Variants in CCDC149 observed in about 807,000 individuals in gnomAD.
CCDC149 encodes the protein coiled-coil domain-containing protein 149.
In CCDC149, 45 loss-of-function variants were observed where a neutral mutation model predicts 59.9. That is an observed-to-expected ratio of 0.75 (90% CI 0.59 to 0.96). CCDC149 has a LOEUF of 0.96. CCDC149 is among the 40% of genes least tolerant of loss of function. The pLI is 0.00. For synonymous variants in CCDC149, 245 were observed against 260.6 expected (o/e 0.94, Z 0.58); for missense variants, 584 against 664.7 (o/e 0.88, Z 1.33).
At position 24,976,430 on chromosome 4, in the gene CCDC149, A is replaced by C. The variant is rs376883489; in HGVS notation, c.-65+3639T>G. Among the ~76,000 whole-genome samples the C allele has an allele frequency of 2.6e-5, 4 of 152,268 alleles. No individual in the cohort carries two copies. In the East Asian group the frequency reaches 5.8e-4, roughly 22 times the overall value. On this transcript the variant is annotated intron_variant, in intron 1 of 12. Transcript: ENST00000389609. The stretch of plus-strand genomic sequence containing the variant: ...GGACATTTATCCAAAGTGTGTCATC[A>C]GGCTGGGTGCGGTGGCTCATGTCTG...
At chr4:24,896,771 T>A (rs1235421209) in intron 1 of CCDC149, among the ~76,000 whole-genome samples, 1 of 152,152 alleles carries the variant, frequency 6.6e-6, no homozygotes, top group Non-Finnish European at 1.5e-5. Context: ...GATCACAGTC[T>A]ATATTTTGAA....
At position 24,808,446 on chromosome 4, in the gene CCDC149, C is replaced by T. The variant is rs1424923064; in HGVS notation, c.1566G>A (p.Pro522=). The change falls in exon 13 of 13, where the codon CCG becomes CCA. Residue 522 remains proline (P), a synonymous_variant. Transcript: ENST00000635206. ...CCTCTGGGATCCCTTTGCCGTCTTC[C>T]GGTGTGGAAGCTTTGGCTGCTGGCC... 1.4e-5 allele frequency: 21 copies of T among 1,463,362 alleles called. No homozygotes were observed. The highest frequency in any genetic ancestry group is 3.6e-4 in the Middle Eastern group (2 of 5,594). 90.6% of individuals were successfully genotyped at this position (1,463,362 alleles called of 1,614,324 possible).
At chr4:24,819,517 C>T (rs1442452791) in intron 12 of CCDC149, among the ~76,000 whole-genome samples, 1 of 152,126 alleles carries the variant, frequency 6.6e-6, no homozygotes, top group Non-Finnish European at 1.5e-5. Context: ...GACGGGTTTT[C>T]ACCATGTTGG....
intron 12 of CCDC149, 102 bp downstream of exon 12, chr4:24,819,757 G>T: frequency 2.4e-6 from 2 of 835,820 alleles, no homozygotes; most frequent in Non-Finnish European, 4.0e-6. Context: ...TGATGCCAAA[G>T]CAGCAGCACA....
chr4:24,811,016 A>T (rs1714566097), intron 12 of CCDC149, among the ~76,000 whole-genome samples: 1 of 152,188 alleles, frequency 6.6e-6, no homozygotes, highest in Non-Finnish European at 1.5e-5. Context: ...TCAACAGGGG[A>T]TTATGTATAC....
At position 24,931,829 on chromosome 4, in the gene CCDC149, GTATATATATATA is replaced by G. The variant is rs57205804; in HGVS notation, c.-64-36723_-64-36712del. Among the ~76,000 whole-genome samples the G allele has an allele frequency of 1.0e-3, 78 of 76,934 alleles. 3 individuals carry two copies. Among genetic ancestry groups the G allele is most frequent in the African/African-American group, 3.8e-3 (63 of 16,500 alleles). 50.5% of individuals were successfully genotyped at this position (76,934 alleles called of 152,430 possible). A position where few individuals can be genotyped will look rare whatever the true frequency, so the allele number is the denominator to read the frequency against. ...CTCCCTTATATTGTATGGAGAGTAT[GTATATATATATA>G]TATATATATATGCATAATCCATATC... On this transcript the variant is annotated intron_variant, in intron 1 of 12. Transcript: ENST00000389609.
chr4:24,817,757 A>C (rs867373889), intron 12 of CCDC149, among the ~76,000 whole-genome samples: 4 of 151,978 alleles, frequency 2.6e-5, no homozygotes, highest in Middle Eastern at 6.8e-3. Flanking sequence ...TGACCCAAAG[A>C]CTCATGAAAA....
intron 9 of CCDC149, chr4:24,830,354 T>C (rs1716060330): frequency 1.3e-5 from 2 of 152,202 alleles, no homozygotes; most frequent in Admixed American, 6.5e-5. Flanking sequence ...TGACTTTTCA[T>C]TCCTTGGTTA....
chr4:24,884,336 G>T (rs558949334), intron 1 of CCDC149, among the ~76,000 whole-genome samples: 1 of 152,206 alleles, frequency 6.6e-6, no homozygotes, highest in African/African-American at 2.4e-5. Context: ...TAGCCCAGAA[G>T]TAACAAGCCA....
intron 12 of CCDC149, among the ~76,000 whole-genome samples, chr4:24,818,082 C>A (rs1173077851): frequency 6.6e-6 from 1 of 152,046 alleles, no homozygotes; most frequent in Non-Finnish European, 1.5e-5. Context: ...CCAGGAGAAG[C>A]CCTCCTGACA....
intron 1 of CCDC149, among the ~76,000 whole-genome samples, chr4:24,978,746 C>T (rs181060726): frequency 6.6e-6 from 1 of 152,214 alleles, no homozygotes; most frequent in African/African-American, 2.4e-5. Flanking sequence ...ATCCTGTGTG[C>T]TTTTCACAGC....
chr4:24,941,172 AG>A (rs1418296652), intron 1 of CCDC149, among the ~76,000 whole-genome samples: 2 of 152,256 alleles, frequency 1.3e-5, no homozygotes, highest in African/African-American at 4.8e-5. Flanking sequence ...CAAATGTAAA[AG>A]AAAAGAAATT....
chr4:24,926,090 G>A (rs1722427473), intron 1 of CCDC149, among the ~76,000 whole-genome samples: 2 of 152,150 alleles, frequency 1.3e-5, no homozygotes, highest in African/African-American at 4.8e-5. Context: ...CAGCTACTCG[G>A]GAGGCTGTGG....
At chr4:24,935,950 G>T (rs889185831) in intron 1 of CCDC149, among the ~76,000 whole-genome samples, 3 of 152,098 alleles carry the variant, frequency 2.0e-5, no homozygotes, top group Admixed American at 6.6e-5. Flanking sequence ...AAAAAGAGGT[G>T]GTCAGTGAGT....
At chr4:24,816,425 C>T (rs1194115819) in intron 12 of CCDC149, among the ~76,000 whole-genome samples, 1 of 151,924 alleles carries the variant, frequency 6.6e-6, no homozygotes, top group Non-Finnish European at 1.5e-5. Context: ...CAAAATTATA[C>T]TCAAGTCATT....
Position 24,961,286 on chromosome 4 carries a change from C to G in CCDC149, c.-65+18783G>C, listed in dbSNP as rs562145676. Among the ~76,000 whole-genome samples the G allele has an allele frequency of 1.3e-4, 20 of 152,234 alleles. No individual in the cohort carries two copies. In the South Asian group the frequency reaches 3.1e-3, roughly 24 times the overall value. ...GTGCTCCAGACGCCTCCAACCAGAA[C>G]CACAAATGGACACTGACAAAAAAAT... On this transcript the variant is annotated intron_variant, in intron 1 of 12. Transcript: ENST00000389609.
chr4:24,873,690 T>C lies in CCDC149; in HGVS notation c.255A>G (p.Lys85=), dbSNP rs1343838667. The C allele has an allele frequency of 2.5e-6, 4 of 1,610,120 alleles. No homozygotes were observed. Among genetic ancestry groups the C allele is most frequent in the Non-Finnish European group, 3.4e-6 (4 of 1,176,758 alleles). Residue 85 remains lysine, a synonymous_variant, in exon 3 of 13, where the codon AAA becomes AAG. Transcript: ENST00000635206. ...CAGAAATAAGTCTTACCTGTTTCCT[T>C]TTTTCAGGAGGAAGTGATGGATCTC...
rs922201562 is a variant in CCDC149, at chr4:24,806,478, A to T, written c.*1911T>A. 6.6e-6 allele frequency: 1 copy of T among 152,244 alleles called. No homozygotes were observed. Among genetic ancestry groups the T allele is most frequent in the Non-Finnish European group, 1.5e-5 (1 of 68,078 alleles). The allele number at this position is 152,244 out of a possible 1,614,324, so 9.4% of individuals were successfully genotyped here. A position where few individuals can be genotyped will look rare whatever the true frequency, so the allele number is the denominator to read the frequency against. On this transcript the variant is annotated 3_prime_UTR_variant, in exon 13 of 13. Coordinates refer to ENST00000635206, the MANE Select transcript of CCDC149 (RefSeq NM_001330643.2). The stretch of plus-strand genomic sequence containing the variant: ...GTGCATCTGGCCGATGGTGGGTCAA[A>T]ACCAGAGTTCTGCAGGCTGAGATTT...
chr4:24,916,468 C>A (rs1316972059), upstream of CCDC149, among the ~76,000 whole-genome samples: 2 of 152,116 alleles, frequency 1.3e-5, no homozygotes, highest in Admixed American at 1.3e-4. Context: ...ATTATGGGTT[C>A]TATACTTACT....
Sources: allele counts gnomAD v4.1 joint callset (sites outside exome capture counted in the v4.1 genomes callset), GRCh38; gene constraint gnomAD v4.1.1; transcripts MANE v1.5; gene names NCBI Gene and HGNC (gene_info 2026-07-23, HGNC 2026-07-21).